RBFOX1: variants seen among roughly 807,000 people sequenced by gnomAD.
RBFOX1 encodes RNA binding protein fox-1 homolog 1.
Under a neutral mutation model 57.7 loss-of-function variants are expected in RBFOX1, and 8 were observed. The ratio of observed to expected loss-of-function variants is 0.14; its 90% CI spans 0.08 to 0.25. The LOEUF (loss-of-function observed/expected upper bound fraction) is 0.25. Among genes scored for constraint, RBFOX1 ranks in the 10% least tolerant of loss-of-function variants. RBFOX1 has a pLI of 1.00. For synonymous variants in RBFOX1, 326 were observed against 222.4 expected (o/e 1.47, Z -4.15); for missense variants, 611 against 548.5 (o/e 1.11, Z -1.14).
At chr16:6,927,179 G>C (rs1018171666) in intron 3 of RBFOX1, among the ~76,000 whole-genome samples, 4 of 151,870 alleles carry the variant, frequency 2.6e-5, no homozygotes, top group Non-Finnish European at 4.4e-5. Flanking sequence ...GTTAGGTCTG[G>C]GTGGGGCTCA....
intron 2 of RBFOX1, among the ~76,000 whole-genome samples, chr16:6,480,898 C>T (rs1392321738): frequency 2.6e-5 from 4 of 152,124 alleles, no homozygotes; most frequent in African/African-American, 7.2e-5. Context: ...ATATGGTATT[C>T]CATCATATGA....
intron 1 of RBFOX1, among the ~76,000 whole-genome samples, chr16:5,336,779 G>T (rs943263850): frequency 6.6e-6 from 1 of 152,180 alleles, no homozygotes; most frequent in Non-Finnish European, 1.5e-5. Flanking sequence ...GTGAGCTCCT[G>T]GGCTAGCTTT....
At chr16:6,531,397 A>G (rs1310985058) in intron 2 of RBFOX1, among the ~76,000 whole-genome samples, 2 of 152,208 alleles carry the variant, frequency 1.3e-5, no homozygotes, top group Admixed American at 6.5e-5. Flanking sequence ...ACATAGGATC[A>G]GTTTTCTTAA....
At chr16:6,498,754 A>G (rs1027692057) in intron 2 of RBFOX1, among the ~76,000 whole-genome samples, 4 of 152,208 alleles carry the variant, frequency 2.6e-5, no homozygotes, top group East Asian at 1.9e-4. Context: ...AATTATATCT[A>G]TAATAATTGG....
chr16:7,706,264 AATTT>A (rs2082405387), intron 14 of RBFOX1, among the ~76,000 whole-genome samples: 1 of 152,202 alleles, frequency 6.6e-6, no homozygotes, highest in African/African-American at 2.4e-5. Context: ...GGGGAAATGA[AATTT>A]ATTAATCATA....
At chr16:5,626,498 G>A (rs1057293598) in intron 3 of RBFOX1, among the ~76,000 whole-genome samples, 1 of 152,104 alleles carries the variant, frequency 6.6e-6, no homozygotes, top group Non-Finnish European at 1.5e-5. Context: ...AGCTCCTGGC[G>A]GTTAGGACTT....
intron 3 of RBFOX1, among the ~76,000 whole-genome samples, chr16:6,931,106 T>C (rs150018892): frequency 4.3e-4 from 65 of 152,270 alleles, no homozygotes; most frequent in African/African-American, 1.4e-3. Context: ...TAAATACTTA[T>C]TGATTTATAT....
At chr16:5,645,714 G>A (rs2049030594) in intron 3 of RBFOX1, among the ~76,000 whole-genome samples, 1 of 152,214 alleles carries the variant, frequency 6.6e-6, no homozygotes, top group African/African-American at 2.4e-5. Context: ...CACCCAGACT[G>A]GAGTGCAGCG....
chr16:6,710,622 C>G (rs887673290), intron 3 of RBFOX1, among the ~76,000 whole-genome samples: 2 of 152,224 alleles, frequency 1.3e-5, no homozygotes, highest in Non-Finnish European at 2.9e-5. Context: ...TTCAAATGAG[C>G]TACAGCAAGG....
chr16:6,686,667 G>T (rs1300427175), intron 3 of RBFOX1, among the ~76,000 whole-genome samples: 1 of 152,112 alleles, frequency 6.6e-6, no homozygotes, highest in African/African-American at 2.4e-5. Context: ...AGACACAAAG[G>T]TAAGCATTTT....
In RBFOX1 at chr16:7,314,766, C is replaced by T. The variant is rs939588888; in HGVS notation, c.28-203381C>T. Among the ~76,000 whole-genome samples, 8 of 152,184 alleles carry T rather than the reference C, an allele frequency of 5.3e-5. 1 individual carries two copies. The highest frequency in any genetic ancestry group is 1.5e-5 in the Non-Finnish European group (1 of 68,018). On this transcript the variant is annotated intron_variant, in intron 4 of 15. Transcript: ENST00000550418. ...GGGAGAGGGCGAGTTGACTGTAAGC[C>T]GAATCACCATTTGTTCACGATAAGT...
chr16:7,033,432 T>A (rs8045246), intron 3 of RBFOX1, among the ~76,000 whole-genome samples: 13,233 of 151,818 alleles, frequency 0.087, 934 homozygotes, highest in East Asian at 0.32. Flanking sequence ...AGGCAGGAGA[T>A]TCGCTTGATC....
chr16:5,768,553 A>G (rs1178839421), intron 3 of RBFOX1, among the ~76,000 whole-genome samples: 1 of 152,164 alleles, frequency 6.6e-6, no homozygotes, highest in African/African-American at 2.4e-5. Flanking sequence ...CCCACATGAC[A>G]TACCAGCGTG....
intron 1 of RBFOX1, among the ~76,000 whole-genome samples, chr16:6,250,327 G>A (rs1446516961): frequency 6.6e-6 from 1 of 151,998 alleles, no homozygotes; most frequent in Non-Finnish European, 1.5e-5. Flanking sequence ...GTTTAATTTT[G>A]CAAGCCCATA....
intron 4 of RBFOX1, among the ~76,000 whole-genome samples, chr16:7,305,123 G>A (rs1352252912): frequency 6.6e-6 from 1 of 152,048 alleles, no homozygotes; most frequent in Non-Finnish European, 1.5e-5. Context: ...GGGTGTTTGT[G>A]TGTGTGTGCG....
intron 3 of RBFOX1, among the ~76,000 whole-genome samples, chr16:5,643,722 T>C (rs760204548): frequency 2.6e-5 from 4 of 152,164 alleles, no homozygotes; most frequent in Non-Finnish European, 5.9e-5. Context: ...TTATTTTATT[T>C]ATTGATTCTT....
chr16:6,855,505 T>A (rs1269802684), intron 3 of RBFOX1, among the ~76,000 whole-genome samples: 1 of 151,752 alleles, frequency 6.6e-6, no homozygotes, highest in East Asian at 2.0e-4. Flanking sequence ...CAGAAAAAAT[T>A]AGCTGGGGGC....
At chr16:7,040,241 G>C (rs963796387) in intron 3 of RBFOX1, among the ~76,000 whole-genome samples, 7 of 151,680 alleles carry the variant, frequency 4.6e-5, no homozygotes, top group South Asian at 4.2e-4. Flanking sequence ...GGATGGTCTC[G>C]ATCTCTTGAC....
intron 2 of RBFOX1, among the ~76,000 whole-genome samples, chr16:6,520,046 G>T (rs757606324): frequency 6.6e-6 from 1 of 152,114 alleles, no homozygotes; most frequent in Non-Finnish European, 1.5e-5. Flanking sequence ...TGTTTCCACC[G>T]TGCAGGTGCT....
Sources: allele counts gnomAD v4.1 joint callset (sites outside exome capture counted in the v4.1 genomes callset), GRCh38; gene constraint gnomAD v4.1.1; transcripts MANE v1.5; gene names NCBI Gene and HGNC (gene_info 2026-07-23, HGNC 2026-07-21).